The following PVT1 variants were observed in gnomAD, a reference collection of about 807,000 sequenced individuals.
The protein encoded by PVT1 is Pvt1 oncogene.
intron 4 of PVT1, among the ~76,000 whole-genome samples, chr8:128,056,297 A>G (rs1388922958): frequency 6.6e-6 from 1 of 152,186 alleles, no homozygotes; most frequent in Non-Finnish European, 1.5e-5. Context: ...ATTCATGCCT[A>G]TATGCATATG....
intron 4 of PVT1, among the ~76,000 whole-genome samples, chr8:128,018,540 C>G (rs1817399127): frequency 6.6e-6 from 1 of 152,134 alleles, no homozygotes; most frequent in African/African-American, 2.4e-5. Context: ...GGAGAAATGC[C>G]AGGGAGATAG....
chr8:127,905,527 T>C (rs1815809320), intron 3 of PVT1, among the ~76,000 whole-genome samples: 1 of 152,240 alleles, frequency 6.6e-6, no homozygotes, highest in African/African-American at 2.4e-5. Context: ...CATCCATTGG[T>C]CATTTCTGAG....
chr8:128,033,312 T>C (rs1024482150), intron 4 of PVT1, among the ~76,000 whole-genome samples: 8 of 147,324 alleles, frequency 5.4e-5, no homozygotes, highest in Non-Finnish European at 1.0e-4. Flanking sequence ...CTGGTTCCCA[T>C]GTGTGTGTGC....
intron 3 of PVT1, among the ~76,000 whole-genome samples, chr8:127,916,811 T>A (rs1415372274): frequency 1.3e-5 from 2 of 152,140 alleles, no homozygotes; most frequent in Non-Finnish European, 2.9e-5. Flanking sequence ...CACTTCCTCT[T>A]GATTTTATTG....
At chr8:127,961,839 CT>C (rs1816646781) in intron 3 of PVT1, among the ~76,000 whole-genome samples, 2 of 152,240 alleles carry the variant, frequency 1.3e-5, no homozygotes, top group Admixed American at 1.3e-4. Context: ...GAGGCCCCCC[CT>C]GCCCGAGTCT....
At chr8:128,095,982 C>T (rs1814424464) in intron 5 of PVT1, among the ~76,000 whole-genome samples, 1 of 152,202 alleles carries the variant, frequency 6.6e-6, no homozygotes, top group Admixed American at 6.5e-5. Flanking sequence ...GAAACTCAAC[C>T]CACCTGTCAA....
intron 2 of PVT1, among the ~76,000 whole-genome samples, chr8:127,889,040 CTTCCTTCCTTCCTTCCTT>C (rs1815564079): frequency 1.2e-4 from 6 of 50,212 alleles, no homozygotes; most frequent in Non-Finnish European, 1.4e-4. Context: ...CTCTTTCTTT[CTTCCTTCCTTCCTTCCTT>C]CCTTCCTTCC....
At chr8:127,984,859 T>TTCTTTCTTTCTTTCTTTCTTTCTTTC (rs1816929688) in intron 3 of PVT1, among the ~76,000 whole-genome samples, 1 of 58,106 alleles carries the variant, frequency 1.7e-5, no homozygotes, top group Admixed American at 2.4e-4. Flanking sequence ...CTTTCTTTCT[T>TTCTTTCTTTCTTTCTTTCTTTCTTTC]TCTTTCTTTC....
At chr8:127,888,808 T>C (rs538617387) in intron 2 of PVT1, among the ~76,000 whole-genome samples, 2 of 152,366 alleles carry the variant, frequency 1.3e-5, no homozygotes, top group East Asian at 1.9e-4. Flanking sequence ...CCCAACAGCC[T>C]GATTTTAGCT....
intron 2 of PVT1, among the ~76,000 whole-genome samples, chr8:127,829,294 A>G (rs765886747): frequency 3.3e-5 from 5 of 152,140 alleles, no homozygotes; most frequent in Non-Finnish European, 7.3e-5. Context: ...AAAAAAATGC[A>G]TATTGCATAA....
intron 6 of PVT1, among the ~76,000 whole-genome samples, chr8:128,100,551 A>C (rs1814491441): frequency 6.6e-6 from 1 of 152,198 alleles, no homozygotes; most frequent in African/African-American, 2.4e-5. Context: ...GAGGATGGGA[A>C]AGATGTTCTG....
chr8:128,044,016 T>A (rs199788367), intron 4 of PVT1, among the ~76,000 whole-genome samples: 35 of 6,044 alleles, frequency 5.8e-3, no homozygotes, highest in Admixed American at 0.028. Context: ...TATTTATTTA[T>A]TTTTTTTTTT....
intron 2 of PVT1, among the ~76,000 whole-genome samples, chr8:127,842,725 C>G (rs1348870061): frequency 2.6e-5 from 4 of 152,158 alleles, no homozygotes; most frequent in Non-Finnish European, 5.9e-5. Context: ...TGCACCAACC[C>G]TCCCTCTTGC....
chr8:128,074,720 A>G (rs1017100566), intron 5 of PVT1, among the ~76,000 whole-genome samples: 2 of 152,202 alleles, frequency 1.3e-5, no homozygotes, highest in African/African-American at 4.8e-5. Flanking sequence ...TAGGATGGCT[A>G]ATTATATAGC....
chr8:127,891,110 G>C (rs1815596709), intron 3 of PVT1: 1 of 152,332 alleles, frequency 6.6e-6, no homozygotes. Context: ...CTGGGTGCCT[G>C]GGGGAGACAG....
intron 3 of PVT1, among the ~76,000 whole-genome samples, chr8:127,928,552 G>C (rs1816160431): frequency 6.6e-6 from 1 of 152,184 alleles, no homozygotes; most frequent in Non-Finnish European, 1.5e-5. Context: ...CTGAAAATTG[G>C]GACCTAAGCT....
chr8:127,894,268 A>G (rs1295709204), intron 3 of PVT1, among the ~76,000 whole-genome samples: 2 of 152,130 alleles, frequency 1.3e-5, no homozygotes, highest in African/African-American at 4.8e-5. Flanking sequence ...CAGGGTGGCA[A>G]TGAGGGAAAG....
In PVT1 at chr8:127,897,626, A is replaced by T. The variant is rs371390834; in HGVS notation, n.782+6628A>T. 9.5e-3 allele frequency among the ~76,000 whole-genome samples: 1,420 copies of T among 150,054 alleles called. 18 individuals carry two copies. Among genetic ancestry groups the T allele is most frequent in the African/African-American group, 0.033 (1,332 of 40,026 alleles). Reference sequence around the variant, plus strand: ...AGGAAGGAAGAAAGGAAAGAAAGAAAGAAAGACAGACAAAGAAAGAAAGAC... The same window carrying T: ...AGGAAGGAAGAAAGGAAAGAAAGAATGAAAGACAGACAAAGAAAGAAAGAC... On this transcript the variant is annotated intron_variant and non_coding_transcript_variant, in intron 3 of 10. Transcript: ENST00000651587.
At chr8:128,060,932 C>T (rs557616351) in intron 4 of PVT1, among the ~76,000 whole-genome samples, 61 of 121,318 alleles carry the variant, frequency 5.0e-4, no homozygotes, top group African/African-American at 1.8e-3. Flanking sequence ...TTTTTTGAGA[C>T]GGAGTCTCTC....
Sources: allele counts gnomAD v4.1 joint callset (sites outside exome capture counted in the v4.1 genomes callset), GRCh38; gene constraint gnomAD v4.1.1; transcripts MANE v1.5; gene names NCBI Gene and HGNC (gene_info 2026-07-23, HGNC 2026-07-21).